The following POU2F1 variants were observed in gnomAD, a reference collection of about 807,000 sequenced individuals.
The protein encoded by POU2F1 is POU class 2 homeobox 1, also known as POU domain, class 2, transcription factor 1.
In POU2F1, 16 loss-of-function variants were observed where a neutral mutation model predicts 84.9. The ratio of observed to expected loss-of-function variants is 0.19; its 90% CI spans 0.13 to 0.29. The LOEUF (loss-of-function observed/expected upper bound fraction) is 0.29, where lower values mean the gene tolerates loss of function less well. Ranked by LOEUF, POU2F1 falls within the 10% of genes least tolerant of loss-of-function variation. The pLI, the probability that POU2F1 is intolerant of heterozygous loss-of-function variation, is 1.00. For synonymous variants in POU2F1, 368 were observed against 368.3 expected, an observed-to-expected ratio of 1.00 and a Z score of 0.01; for missense variants, 738 against 942.6, an observed-to-expected ratio of 0.78 and a Z score of 2.84.
At chr1:167,335,144 GT>G (rs1400604077) in intron 2 of POU2F1, among the ~76,000 whole-genome samples, 3 of 152,156 alleles carry the variant, frequency 2.0e-5, no homozygotes, top group Admixed American at 1.3e-4. Context: ...TTTAAAAAAT[GT>G]ATTCAGTAAG....
chr1:167,399,774 A>G (rs933553859), intron 12 of POU2F1, among the ~76,000 whole-genome samples: 3 of 151,332 alleles, frequency 2.0e-5, no homozygotes, highest in Non-Finnish European at 4.4e-5. Flanking sequence ...CCTGGGTTCA[A>G]GCGATTCTTG....
intron 1 of POU2F1, among the ~76,000 whole-genome samples, chr1:167,225,949 C>A (rs1189574141): frequency 1.3e-5 from 2 of 152,118 alleles, no homozygotes; most frequent in African/African-American, 4.8e-5. Flanking sequence ...GTTAATTACA[C>A]AGTTTTTGTG....
chr1:167,392,696 A>AT (rs1648514074), intron 9 of POU2F1, among the ~76,000 whole-genome samples: 1 of 152,106 alleles, frequency 6.6e-6, no homozygotes, highest in Non-Finnish European at 1.5e-5. Context: ...GTTTTATCCT[A>AT]TTTTTTGGCA....
At chr1:167,405,826 C>T (rs955488016) in intron 13 of POU2F1, among the ~76,000 whole-genome samples, 2 of 152,232 alleles carry the variant, frequency 1.3e-5, no homozygotes, top group African/African-American at 4.8e-5. Flanking sequence ...GAACATCCAT[C>T]TCCCAGGATA....
intron 6 of POU2F1, among the ~76,000 whole-genome samples, chr1:167,375,546 G>A (rs928655295): frequency 3.3e-5 from 5 of 152,124 alleles, no homozygotes; most frequent in Non-Finnish European, 7.3e-5. Flanking sequence ...GTGGAAAAGG[G>A]CAAAAAAATT....
intron 1 of POU2F1, among the ~76,000 whole-genome samples, chr1:167,236,264 G>A (rs1206915572): frequency 1.3e-5 from 2 of 151,630 alleles, no homozygotes; most frequent in East Asian, 1.9e-4. Flanking sequence ...CACCATGCCT[G>A]GCCAATTTTT....
chr1:167,245,928 G>A (rs947799113), intron 1 of POU2F1, among the ~76,000 whole-genome samples: 1 of 152,168 alleles, frequency 6.6e-6, no homozygotes, highest in Non-Finnish European at 1.5e-5. Context: ...TGAACAAGAA[G>A]CTATGTTTTT....
intron 14 of POU2F1, 22 bp downstream of exon 14, chr1:167,412,326 T>TTCA: frequency 1.3e-6 from 2 of 1,508,184 alleles, no homozygotes; most frequent in Non-Finnish European, 1.8e-6. Flanking sequence ...TCTCATCTCA[T>TTCA]TCACGTCTGA....
intron 1 of POU2F1, among the ~76,000 whole-genome samples, chr1:167,296,089 AAATAGATT>A (rs1430764735): frequency 2.6e-5 from 4 of 152,152 alleles, no homozygotes; most frequent in Admixed American, 2.6e-4. Flanking sequence ...TTACTGAAGG[AAATAGATT>A]ATTGGTGGAG....
chr1:167,414,492 T>C, intron 15 of POU2F1: 1 of 985,430 alleles, frequency 1.0e-6, no homozygotes, highest in Non-Finnish European at 1.2e-6. Flanking sequence ...GTAATGCCGT[T>C]AGAAAATCCC....
At chr1:167,261,329 A>G (rs1214956656) in intron 1 of POU2F1, among the ~76,000 whole-genome samples, 1 of 152,194 alleles carries the variant, frequency 6.6e-6, no homozygotes, top group Non-Finnish European at 1.5e-5. Flanking sequence ...TTTATTTTGG[A>G]AAACTATTTT....
chr1:167,400,056 T>C lies in POU2F1; in HGVS notation c.1449+691T>C, dbSNP rs550651226. ...TGGAGTGCAATGGTACGATTTCAGC[T>C]CACTGCAACCTCCGCCTCCTGGGTT... On this transcript the variant is annotated intron_variant, in intron 12 of 15. Coordinates refer to ENST00000367866, the MANE Select transcript of POU2F1 (RefSeq NM_002697.4). Among the ~76,000 whole-genome samples the C allele has an allele frequency of 5.6e-5, 8 of 143,636 alleles. No individual in the cohort carries two copies. In the South Asian group the frequency reaches 1.9e-3, roughly 34 times the overall value. 94.2% of individuals were successfully genotyped at this position (143,636 alleles called of 152,430 possible). A position where few individuals can be genotyped will look rare whatever the true frequency, so the allele number is the denominator to read the frequency against.
intron 1 of POU2F1, among the ~76,000 whole-genome samples, chr1:167,301,933 T>A (rs1654727215): frequency 6.6e-6 from 1 of 152,160 alleles, no homozygotes; most frequent in South Asian, 2.1e-4. Flanking sequence ...TCTTTTCAGT[T>A]GTATTATGTA....
At chr1:167,265,420 TAA>T (rs148398031) in intron 1 of POU2F1, among the ~76,000 whole-genome samples, 1 of 152,350 alleles carries the variant, frequency 6.6e-6, no homozygotes, top group East Asian at 1.9e-4. Flanking sequence ...GCTAGTAATT[TAA>T]GTTAGTAATT....
intron 2 of POU2F1, among the ~76,000 whole-genome samples, chr1:167,343,842 G>A (rs917097998): frequency 3.3e-5 from 5 of 151,732 alleles, no homozygotes; most frequent in African/African-American, 1.2e-4. Flanking sequence ...GTTGTACTTG[G>A]GGTGCCTTGT....
intron 1 of POU2F1, among the ~76,000 whole-genome samples, chr1:167,274,205 C>A (rs266829): frequency 0.11 from 16,350 of 152,160 alleles, 2,166 homozygotes; most frequent in African/African-American, 0.32. Context: ...TTACGTACCC[C>A]TCCTTTCCCT....
chr1:167,386,196 TG>T (rs1169269471), intron 8 of POU2F1, among the ~76,000 whole-genome samples: 1 of 149,992 alleles, frequency 6.7e-6, no homozygotes, highest in Non-Finnish European at 1.5e-5. Flanking sequence ...AGTTTCTTTT[TG>T]GGGGGGTGAG....
At chr1:167,231,029 T>C (rs1649028767) in intron 1 of POU2F1, among the ~76,000 whole-genome samples, 1 of 152,230 alleles carries the variant, frequency 6.6e-6, no homozygotes, top group Non-Finnish European at 1.5e-5. Context: ...TTGCTTAGCA[T>C]ACCTTGAATA....
At chr1:167,293,865 C>T (rs1654098437) in intron 1 of POU2F1, among the ~76,000 whole-genome samples, 1 of 152,010 alleles carries the variant, frequency 6.6e-6, no homozygotes, top group South Asian at 2.1e-4. Flanking sequence ...GGAAAGGACA[C>T]CCTATTTAAT....
Sources: allele counts gnomAD v4.1 joint callset (sites outside exome capture counted in the v4.1 genomes callset), GRCh38; gene constraint gnomAD v4.1.1; transcripts MANE v1.5; gene names NCBI Gene and HGNC (gene_info 2026-07-23, HGNC 2026-07-21).